RAPH1: variants seen among roughly 807,000 people sequenced by gnomAD.
RAPH1 encodes ras-associated and pleckstrin homology domains-containing protein 1.
RAPH1 carries 18 observed loss-of-function variants against 88.1 expected under a neutral mutation model. The ratio of observed to expected loss-of-function variants is 0.20; its 90% CI spans 0.14 to 0.30. The LOEUF is 0.30. Ranked by LOEUF, RAPH1 falls within the 10% of genes least tolerant of loss-of-function variation. The pLI, the probability that RAPH1 is intolerant of heterozygous loss-of-function variation, is 1.00. For synonymous variants in RAPH1, 587 were observed against 559.0 expected (o/e 1.05, Z -0.71); for missense variants, 1,448 against 1,543.2 (o/e 0.94, Z 1.03).
At chr2:203,506,760 A>ATATATC (rs1689036105) in intron 1 of RAPH1, among the ~76,000 whole-genome samples, 1 of 132,098 alleles carries the variant, frequency 7.6e-6, no homozygotes, top group Non-Finnish European at 1.5e-5. Flanking sequence ...ATATATATCT[A>ATATATC]TATATATATC....
At chr2:203,482,449 G>T (rs1021208860) in intron 4 of RAPH1, among the ~76,000 whole-genome samples, 3 of 152,190 alleles carry the variant, frequency 2.0e-5, no homozygotes, top group Admixed American at 6.5e-5. Context: ...GCCTCCCAAA[G>T]TGCCGGGATT....
chr2:203,499,977 T>C (rs1688669275), intron 1 of RAPH1, among the ~76,000 whole-genome samples: 1 of 152,160 alleles, frequency 6.6e-6, no homozygotes, highest in Non-Finnish European at 1.5e-5. Context: ...CATGCTCAGA[T>C]ACAGGACAGC....
intron 8 of RAPH1, 151 bp downstream of exon 8, chr2:203,457,379 T>G: frequency 1.4e-6 from 1 of 697,390 alleles, no homozygotes; most frequent in Non-Finnish European, 2.5e-6. Flanking sequence ...ACAGACAGGG[T>G]TTCACCATCT....
chr2:203,468,924 G>A (rs1194901656), intron 4 of RAPH1, among the ~76,000 whole-genome samples: 2 of 152,178 alleles, frequency 1.3e-5, no homozygotes, highest in Non-Finnish European at 2.9e-5. Flanking sequence ...GAGAAGAAAG[G>A]TAGCAAAGAT....
At chr2:203,447,890 TCTA>T in intron 12 of RAPH1, 66 bp downstream of exon 12, 1 of 1,505,678 alleles carries the variant, frequency 6.6e-7, no homozygotes, top group Non-Finnish European at 9.1e-7. Context: ...AATTTCCAGG[TCTA>T]CTATCAGTCT....
intron 1 of RAPH1, among the ~76,000 whole-genome samples, chr2:203,516,390 C>T (rs1037603072): frequency 3.9e-5 from 6 of 152,174 alleles, no homozygotes; most frequent in African/African-American, 1.4e-4. Context: ...ATAAATATGG[C>T]AGATATTAAT....
At chr2:203,477,795 TA>T (rs1169737006) in intron 4 of RAPH1, among the ~76,000 whole-genome samples, 1 of 152,160 alleles carries the variant, frequency 6.6e-6, no homozygotes, top group Non-Finnish European at 1.5e-5. Context: ...GATACTCAAC[TA>T]ATCAGTACAT....
chr2:203,534,500 CT>C (rs1690524575), intron 1 of RAPH1, among the ~76,000 whole-genome samples: 7 of 84,800 alleles, frequency 8.3e-5, no homozygotes, highest in East Asian at 3.8e-4. Context: ...TGCCCCCTCC[CT>C]CCGTCCACCC....
intron 1 of RAPH1, among the ~76,000 whole-genome samples, chr2:203,503,873 T>C (rs1052983419): frequency 2.0e-5 from 3 of 152,148 alleles, no homozygotes; most frequent in Admixed American, 2.0e-4. Context: ...ACAGGGCCCA[T>C]GAAAGTCCAA....
At chr2:203,468,145 T>C (rs1182832532) in intron 4 of RAPH1, among the ~76,000 whole-genome samples, 1 of 152,204 alleles carries the variant, frequency 6.6e-6, no homozygotes, top group Non-Finnish European at 1.5e-5. Flanking sequence ...TCCAGGGTCA[T>C]AAACATTGTC....
At chr2:203,454,325 A>T in intron 10 of RAPH1, 105 bp downstream of exon 10, 1 of 751,652 alleles carries the variant, frequency 1.3e-6, no homozygotes, top group South Asian at 2.2e-5. Flanking sequence ...TTGAGAATAA[A>T]GCAAAAACAG....
intron 1 of RAPH1, among the ~76,000 whole-genome samples, chr2:203,525,663 G>A (rs1351736873): frequency 2.0e-5 from 3 of 152,280 alleles, no homozygotes; most frequent in East Asian, 3.9e-4. Context: ...TGTAATCCCA[G>A]TTACTTGGGA....
chr2:203,444,488 G>T, intron 13 of RAPH1: 1 of 209,524 alleles, frequency 4.8e-6, no homozygotes. Flanking sequence ...AGAGAGAACT[G>T]TAAACAGCTT....
At chr2:203,524,472 T>G (rs1371297851) in intron 1 of RAPH1, among the ~76,000 whole-genome samples, 1 of 152,176 alleles carries the variant, frequency 6.6e-6, no homozygotes, top group Non-Finnish European at 1.5e-5. Flanking sequence ...CAGCCTAAAT[T>G]TCTATCAAAG....
At chr2:203,454,345 T>A in intron 10 of RAPH1, 85 bp downstream of exon 10, 1 of 853,922 alleles carries the variant, frequency 1.2e-6, no homozygotes, top group Non-Finnish European at 1.8e-6. Context: ...GTATAATTGA[T>A]GGAATCTCAA....
intron 1 of RAPH1, among the ~76,000 whole-genome samples, chr2:203,501,105 A>T (rs1688721357): frequency 6.6e-6 from 1 of 152,228 alleles, no homozygotes; most frequent in South Asian, 2.1e-4. Context: ...ACTGTTGCAA[A>T]ATAAAAGCAA....
At chr2:203,527,997 T>C (rs1690203009) in intron 1 of RAPH1, among the ~76,000 whole-genome samples, 1 of 151,870 alleles carries the variant, frequency 6.6e-6, no homozygotes, top group Admixed American at 6.6e-5. Flanking sequence ...TGTTAAGGAG[T>C]GATCATGGTA....
intron 4 of RAPH1, among the ~76,000 whole-genome samples, chr2:203,480,456 G>A (rs1468502897): frequency 6.6e-6 from 1 of 152,204 alleles, no homozygotes; most frequent in East Asian, 1.9e-4. Flanking sequence ...GCTGAGACAC[G>A]AGAATTGCGT....
At chr2:203,513,948 G>T (rs546966690) in intron 1 of RAPH1, among the ~76,000 whole-genome samples, 1 of 151,976 alleles carries the variant, frequency 6.6e-6, no homozygotes, top group Non-Finnish European at 1.5e-5. Flanking sequence ...GGGTTCAAGT[G>T]ATTCTCCTGC....
Sources: gnomAD v4.1 joint callset for allele counts (sites outside exome capture counted in the v4.1 genomes callset) on GRCh38, gnomAD v4.1.1 for gene constraint, MANE v1.5 for transcripts, NCBI Gene and HGNC (gene_info 2026-07-23, HGNC 2026-07-21) for gene names.